Variants in TBC1D21 observed in about 807,000 individuals in gnomAD.
The protein encoded by TBC1D21 is male germ cell Rab GTPase-activating protein.
Under a neutral mutation model 46.0 loss-of-function variants are expected in TBC1D21, and 38 were observed. That is an observed-to-expected ratio of 0.83 (90% CI 0.64 to 1.08). The LOEUF is 1.08. TBC1D21 is among the 50% of genes least tolerant of loss of function. TBC1D21 has a pLI of 0.00. For missense variants in TBC1D21, 415 were observed against 417.9 expected, an observed-to-expected ratio of 0.99 and a Z score of 0.06; for synonymous variants, 151 against 157.2, an observed-to-expected ratio of 0.96 and a Z score of 0.29.
the TBC1D21 span, among the ~76,000 whole-genome samples, chr15:73,900,341 C>G: frequency 6.6e-6 from 1 of 152,368 alleles, no homozygotes; most frequent in Admixed American, 6.5e-5. Flanking sequence ...CCACCACACC[C>G]TTGGCTGAGG....
intron 1 of TBC1D21, among the ~76,000 whole-genome samples, chr15:73,877,514 TAAAAAAAAAAAAAA>T (rs541803630): frequency 0.026 from 1,876 of 72,726 alleles, 25 homozygotes; most frequent in East Asian, 0.11. Context: ...TCCAGAAAAC[TAAAAAAAAAAAAAA>T]AAAAAAAAAA....
the TBC1D21 span, among the ~76,000 whole-genome samples, chr15:73,907,793 G>C: frequency 6.6e-6 from 1 of 151,894 alleles, no homozygotes; most frequent in Admixed American, 6.6e-5. Flanking sequence ...TCAATTTGTT[G>C]GGGTATAGAC....
chr15:73,889,817 G>A (rs965144836), downstream of TBC1D21, among the ~76,000 whole-genome samples: 6 of 152,234 alleles, frequency 3.9e-5, no homozygotes, highest in African/African-American at 1.2e-4. Context: ...GCAGTCAGTT[G>A]CTCTGTGAGG....
chr15:73,903,735 A>C, the TBC1D21 span, among the ~76,000 whole-genome samples: 4 of 152,152 alleles, frequency 2.6e-5, no homozygotes, highest in African/African-American at 9.7e-5. Context: ...CCTCTTTGAC[A>C]CCAACTCTTA....
intron 1 of TBC1D21, among the ~76,000 whole-genome samples, chr15:73,876,600 TG>T (rs1486431043): frequency 6.6e-6 from 1 of 152,090 alleles, no homozygotes; most frequent in East Asian, 1.9e-4. Flanking sequence ...GATGGCCAAT[TG>T]TTACAGGTAG....
chr15:73,889,989 G>T (rs1285686594), downstream of TBC1D21, among the ~76,000 whole-genome samples: 1 of 152,198 alleles, frequency 6.6e-6, no homozygotes, highest in African/African-American at 2.4e-5. Flanking sequence ...CCCCAGAGCT[G>T]CTCAGCAACA....
chr15:73,883,287 C>T (rs188467812), intron 3 of TBC1D21, among the ~76,000 whole-genome samples: 42 of 152,336 alleles, frequency 2.8e-4, no homozygotes, highest in Non-Finnish European at 4.6e-4. Context: ...TGACAAGAGC[C>T]CACCTGTGTT....
At chr15:73,886,204 C>T (rs2278863) in intron 7 of TBC1D21, 30 bp downstream of exon 7, 53,994 of 1,594,816 alleles carry the variant, frequency 0.034, 1,192 homozygotes, top group South Asian at 0.079. Flanking sequence ...TGCCACCTCA[C>T]GCACCCCCCA....
chr15:73,891,089 G>C (rs2068333104), downstream of TBC1D21, among the ~76,000 whole-genome samples: 1 of 152,210 alleles, frequency 6.6e-6, no homozygotes, highest in African/African-American at 2.4e-5. Flanking sequence ...CTCATCTGCA[G>C]TACTCCCAGC....
At chr15:73,908,978 T>C in the TBC1D21 span, among the ~76,000 whole-genome samples, 2 of 152,348 alleles carry the variant, frequency 1.3e-5, no homozygotes, top group South Asian at 4.1e-4. Flanking sequence ...GCACTGCCTC[T>C]CACTAGCTGT....
the TBC1D21 span, among the ~76,000 whole-genome samples, chr15:73,896,297 G>C: frequency 2.0e-5 from 3 of 152,322 alleles, no homozygotes; most frequent in East Asian, 5.8e-4. Context: ...TGGCAATGCC[G>C]AGGTGAGGGG....
downstream of TBC1D21, among the ~76,000 whole-genome samples, chr15:73,890,251 C>T (rs1484593996): frequency 6.6e-6 from 1 of 152,174 alleles, no homozygotes; most frequent in African/African-American, 2.4e-5. Context: ...CCAATGAGTG[C>T]TTGGTCTCCT....
At chr15:73,897,373 G>A in the TBC1D21 span, among the ~76,000 whole-genome samples, 5 of 152,266 alleles carry the variant, frequency 3.3e-5, no homozygotes, top group African/African-American at 1.2e-4. Flanking sequence ...AGCAAACTTC[G>A]ACTCAAAGAA....
chr15:73,881,714 A>G lies in TBC1D21; in HGVS notation c.239A>G (p.Gln80Arg). ...LTGYFSWQSS[Q>R]DERLTVDSMR... The stretch of plus-strand genomic sequence containing the variant: ...GGCTACTTCTCATGGCAGAGTTCCC[A>G]GGATGAGCGGCTCACGGTGGACAGC... Residue 80 changes from glutamine to arginine, a missense_variant, in exon 3 of 11, where the codon CAG becomes CGG. Gln to Arg is a conservative substitution (Grantham distance 43). Transcript: ENST00000300504. 1 of 1,613,396 alleles carries G rather than the reference A, an allele frequency of 6.2e-7. No homozygotes were observed. The highest frequency in any genetic ancestry group is 8.5e-7 in the Non-Finnish European group (1 of 1,179,872).
At chr15:73,886,659 G>A (rs367966681) in intron 8 of TBC1D21, 47 bp downstream of exon 8, 2 of 1,560,794 alleles carry the variant, frequency 1.3e-6, no homozygotes, top group Non-Finnish European at 1.8e-6. Context: ...CACCCATCAG[G>A]CAGAGTGGAA....
chr15:73,887,552 C>A, intron 8 of TBC1D21, 68 bp from the exon 9 acceptor site: 1 of 1,397,668 alleles, frequency 7.2e-7, no homozygotes, highest in Non-Finnish European at 1.0e-6. Flanking sequence ...TTGGTGGGTA[C>A]CTCACCATCC....
intron 3 of TBC1D21, 134 bp downstream of exon 3, chr15:73,881,881 G>T: frequency 1.3e-6 from 1 of 767,228 alleles, no homozygotes; most frequent in Non-Finnish European, 2.2e-6. Flanking sequence ...TCCTGACCCA[G>T]GCACAGCACA....
intron 1 of TBC1D21, among the ~76,000 whole-genome samples, chr15:73,875,328 G>GGAAA (rs2068042738): frequency 2.1e-5 from 3 of 142,960 alleles, no homozygotes; most frequent in Non-Finnish European, 3.1e-5. Context: ...AAGGAAGGGA[G>GGAAA]GGAGGGAGGG....
At chr15:73,893,840 C>T (rs2068355673), downstream of TBC1D21, among the ~76,000 whole-genome samples, 3 of 152,164 alleles carry the variant, frequency 2.0e-5, no homozygotes, top group Non-Finnish European at 4.4e-5. Context: ...TGCCCAGGAC[C>T]CAACCCCAAA....
Sources: allele counts gnomAD v4.1 joint callset (sites outside exome capture counted in the v4.1 genomes callset), GRCh38; gene constraint gnomAD v4.1.1; transcripts MANE v1.5; gene names NCBI Gene and HGNC (gene_info 2026-07-23, HGNC 2026-07-21).